OPRD1: variants seen among roughly 807,000 people sequenced by gnomAD.
The protein encoded by OPRD1 is opioid receptor delta 1.
OPRD1 carries 19 observed loss-of-function variants against 17.5 expected under a neutral mutation model. The ratio of observed to expected loss-of-function variants is 1.09; its 90% CI spans 0.76 to 1.60. OPRD1 has a LOEUF of 1.60. OPRD1 is among the 40% of genes most tolerant of loss of function. OPRD1 has a pLI of 0.00. For missense variants in OPRD1, 483 were observed against 547.2 expected, an observed-to-expected ratio of 0.88 and a Z score of 1.17; for synonymous variants, 256 against 240.9, an observed-to-expected ratio of 1.06 and a Z score of -0.58.
intron 2 of OPRD1, among the ~76,000 whole-genome samples, chr1:28,862,012 C>T (rs749835877): frequency 6.6e-6 from 1 of 151,350 alleles, no homozygotes; most frequent in Non-Finnish European, 1.5e-5. Flanking sequence ...CCTGGGTTCA[C>T]ACCATTCTCC....
rs1368637999 is a variant in OPRD1, at chr1:28,823,952, T to A, written c.227+11342T>A. On this transcript the variant is annotated intron_variant, in intron 1 of 2. Coordinates refer to ENST00000234961, the MANE Select transcript of OPRD1 (RefSeq NM_000911.4). Reference sequence around the variant, plus strand: ...CAGCACTTTGGGAGGCTGAGGTGGGTGGATCATTTGAGGTCAGGAGTTTGA... The same window carrying A: ...CAGCACTTTGGGAGGCTGAGGTGGGAGGATCATTTGAGGTCAGGAGTTTGA... Among the ~76,000 whole-genome samples the A allele has an allele frequency of 2.7e-5, 4 of 145,492 alleles. No homozygotes were observed. In the East Asian group the frequency reaches 8.5e-4, roughly 31 times the overall value.
chr1:28,822,191 C>T (rs1039940616), intron 1 of OPRD1, among the ~76,000 whole-genome samples: 1 of 151,954 alleles, frequency 6.6e-6, no homozygotes, highest in African/African-American at 2.4e-5. Flanking sequence ...CCTCGTGATC[C>T]GCCCGACTCG....
intron 1 of OPRD1, among the ~76,000 whole-genome samples, chr1:28,842,022 CTTATTT>C (rs1177110789): frequency 1.3e-4 from 20 of 151,128 alleles, no homozygotes; most frequent in Non-Finnish European, 2.2e-4. Context: ...TTGTGCCGGC[CTTATTT>C]TTATTTTTAT....
At chr1:28,839,061 T>TA (rs11398217) in intron 1 of OPRD1, among the ~76,000 whole-genome samples, 132,788 of 152,124 alleles carry the variant, frequency 0.87, 58,066 homozygotes, top group East Asian at 1. Context: ...TGCATACTTT[T>TA]TCAGATTAGT....
intron 1 of OPRD1, among the ~76,000 whole-genome samples, chr1:28,855,870 T>C (rs1288934076): frequency 1.3e-5 from 2 of 152,108 alleles, no homozygotes; most frequent in East Asian, 1.9e-4. Flanking sequence ...TGAGCAAAAC[T>C]TTTTCCTTCT....
intron 1 of OPRD1, among the ~76,000 whole-genome samples, chr1:28,846,876 TTCTTTCTTTCTTTCTTTTC>T (rs1383314702): frequency 0.027 from 1,572 of 58,660 alleles, 16 homozygotes; most frequent in East Asian, 0.25. Context: ...CTTTCTTTCT[TTCTTTCTTTCTTTCTTTTC>T]TCTTTCTTTC....
chr1:28,846,028 G>C (rs2088939395), intron 1 of OPRD1, among the ~76,000 whole-genome samples: 1 of 152,172 alleles, frequency 6.6e-6, no homozygotes, highest in Admixed American at 6.6e-5. Context: ...TCTTGCCATA[G>C]CCCAAAGGCC....
intron 1 of OPRD1, among the ~76,000 whole-genome samples, chr1:28,814,626 T>C (rs2088658642): frequency 6.6e-6 from 1 of 152,114 alleles, no homozygotes; most frequent in African/African-American, 2.4e-5. Flanking sequence ...CTCTGGCTGG[T>C]TGGCTGACTG....
chr1:28,869,428 C>T lies in OPRD1; in HGVS notation c.*6145C>T, dbSNP rs204065. The T allele has an allele frequency of 0.094, 14,340 of 152,116 alleles. 758 individuals are homozygous for T. Among genetic ancestry groups the T allele is most frequent in the South Asian group, 0.14 (695 of 4,808 alleles). The allele number at this position is 152,116 out of a possible 1,614,324, so 9.4% of individuals were successfully genotyped here. Reference sequence around the variant, plus strand: ...CCCAGCACCATCACCGGGGATGAGCCGTTTCAGAGTGTGGCACTCTGTCAC... The same window carrying T: ...CCCAGCACCATCACCGGGGATGAGCTGTTTCAGAGTGTGGCACTCTGTCAC... On this transcript the variant is annotated 3_prime_UTR_variant, in exon 3 of 3. Transcript: ENST00000234961.
intron 1 of OPRD1, among the ~76,000 whole-genome samples, chr1:28,844,639 A>G (rs780470369): frequency 1.3e-5 from 2 of 152,108 alleles, no homozygotes; most frequent in Non-Finnish European, 2.9e-5. Flanking sequence ...AGTTGTAGGA[A>G]TTCTTTATAT....
rs558341358 is a variant in OPRD1 at position 28,822,887 on chromosome 1, G to C, written c.227+10277G>C. ...AGGCAGGGGGCTGTGCAAGGAAAAG[G>C]CATGATTTCATTAACCTCAGAGTCC... is the stretch of plus-strand genomic sequence containing the variant. On this transcript the variant is annotated intron_variant, in intron 1 of 2. Coordinates refer to ENST00000234961, the MANE Select transcript of OPRD1 (RefSeq NM_000911.4). 3.3e-5 allele frequency among the ~76,000 whole-genome samples: 5 copies of C among 152,270 alleles called. No individual in the cohort carries two copies. In the South Asian group the frequency reaches 8.3e-4, roughly 25 times the overall value.
Position 28,812,269 on chromosome 1 carries a change from G to A in OPRD1, c.-115G>A. The A allele has an allele frequency of 1.7e-6, 1 of 593,792 alleles. No homozygotes were observed. Among genetic ancestry groups the A allele is most frequent in the Non-Finnish European group, 2.3e-6 (1 of 434,204 alleles). 36.8% of individuals were successfully genotyped at this position (593,792 alleles called of 1,614,324 possible). A position where few individuals can be genotyped will look rare whatever the true frequency, so the allele number is the denominator to read the frequency against. ...GCGCAGAGACAGCGGGGCGGCCGGG[G>A]CGCGGCAGCCGGCGGCGTCGGGGCC... On this transcript the variant is annotated 5_prime_UTR_variant, in exon 1 of 3. Transcript: ENST00000234961.
intron 1 of OPRD1, among the ~76,000 whole-genome samples, chr1:28,818,508 A>G (rs204048): frequency 0.19 from 28,638 of 152,090 alleles, 2,751 homozygotes; most frequent in Admixed American, 0.25. Flanking sequence ...GAGAGGTGTG[A>G]GTGGAGCATT....
chr1:28,812,517 C>T lies in OPRD1; in HGVS notation c.134C>T (p.Ser45Phe). The change falls in exon 1 of 3, where the codon TCC becomes TTC. Residue 45 changes from serine to phenylalanine, a missense_variant. By Grantham distance (155) the Ser-to-Phe change is radical. Transcript: ENST00000234961. ...CCGCCAGGCGCGCGGAGCGCCTCGTCCCTCGCCCTGGCAATCGCCATCACC... is the reference window on the plus strand; with the variant it reads ...CCGCCAGGCGCGCGGAGCGCCTCGTTCCTCGCCCTGGCAATCGCCATCACC... ...SGPPGARSAS[S>F]LALAIAITAL... 6.3e-7 allele frequency: 1 copy of T among 1,578,346 alleles called. No homozygotes were observed. Among genetic ancestry groups the T allele is most frequent in the Non-Finnish European group, 8.5e-7 (1 of 1,170,112 alleles).
chr1:28,852,687 TTTTC>T (rs2089015923), intron 1 of OPRD1, among the ~76,000 whole-genome samples: 1 of 151,860 alleles, frequency 6.6e-6, no homozygotes, highest in Admixed American at 6.6e-5. Context: ...TCTCTTAGGA[TTTTC>T]TTTCTTTCTT....
At chr1:28,823,990 C>T (rs2088740237) in intron 1 of OPRD1, among the ~76,000 whole-genome samples, 1 of 150,836 alleles carries the variant, frequency 6.6e-6, no homozygotes. Flanking sequence ...CCAGCCTGGC[C>T]AACATGGTGA....
At chr1:28,849,342 G>C (rs996932024) in intron 1 of OPRD1, among the ~76,000 whole-genome samples, 2 of 152,180 alleles carry the variant, frequency 1.3e-5, no homozygotes, top group African/African-American at 4.8e-5. Context: ...CCGGGTGAGA[G>C]ATGGGGAGAT....
chr1:28,841,641 A>C (rs888548716), intron 1 of OPRD1, among the ~76,000 whole-genome samples: 1 of 152,188 alleles, frequency 6.6e-6, no homozygotes, highest in African/African-American at 2.4e-5. Context: ...GACACCTTGC[A>C]CAAAGGAAGG....
In OPRD1 at chr1:28,870,633, G is replaced by C. The variant is rs1432798769; in HGVS notation, c.*7350G>C. The C allele has an allele frequency of 6.6e-6, 1 of 152,232 alleles. No individual in the cohort carries two copies. Among genetic ancestry groups the C allele is most frequent in the Non-Finnish European group, 1.5e-5 (1 of 68,096 alleles). 9.4% of individuals were successfully genotyped at this position (152,232 alleles called of 1,614,324 possible). A position where few individuals can be genotyped will look rare whatever the true frequency, so the allele number is the denominator to read the frequency against. Reference sequence around the variant, plus strand: ...TGAATTTCAGAAGGTGGGACAACATGTGCTGGAAAGCAGTTCTTAAGAGGA... The same window carrying C: ...TGAATTTCAGAAGGTGGGACAACATCTGCTGGAAAGCAGTTCTTAAGAGGA... On this transcript the variant is annotated 3_prime_UTR_variant, in exon 3 of 3. Transcript: ENST00000234961.
Sources: gnomAD v4.1 joint callset for allele counts (sites outside exome capture counted in the v4.1 genomes callset) on GRCh38, gnomAD v4.1.1 for gene constraint, MANE v1.5 for transcripts, NCBI Gene and HGNC (gene_info 2026-07-23, HGNC 2026-07-21) for gene names.